Variants in KANSL1 observed in about 807,000 individuals in gnomAD.
KANSL1 encodes MLL1/MLL complex subunit KANSL1.
A neutral mutation model predicts 103.6 loss-of-function variants in KANSL1; 22 were observed. The observed-to-expected ratio is 0.21, with a 90% CI of 0.15 to 0.30. The LOEUF is 0.30. KANSL1 is among the 10% of genes least tolerant of loss of function. The probability of loss-of-function intolerance (pLI) is 1.00; values close to 1 mark genes in which losing one functional copy is unlikely to be tolerated. For synonymous variants in KANSL1, 600 were observed against 527.6 expected, an observed-to-expected ratio of 1.14 and a Z score of -1.88; for missense variants, 1,337 against 1,399.8, an observed-to-expected ratio of 0.96 and a Z score of 0.72.
rs749329088 is a variant in KANSL1 at position 46,082,546 on chromosome 17, C to T, written c.1432-4G>A. The T allele has an allele frequency of 2.6e-6, 4 of 1,562,114 alleles. No individual in the cohort carries two copies. In the South Asian group the frequency reaches 3.4e-5, roughly 13 times the overall value. On this transcript the variant is annotated splice_region_variant and splice_polypyrimidine_tract_variant and intron_variant, in intron 3 of 14. Transcript: ENST00000432791. The stretch of plus-strand genomic sequence containing the variant: ...CCTCCCCAAGAACTATCAACCCCTG[C>T]AGGATAGAGAGGAGAAAAATAGCAT...
chr17:46,056,156 C>T (rs1373670847), intron 6 of KANSL1, among the ~76,000 whole-genome samples: 1 of 152,180 alleles, frequency 6.6e-6, no homozygotes, highest in Non-Finnish European at 1.5e-5. Context: ...CACCACCAAG[C>T]CTGGCTAATT....
chr17:46,107,465 C>A (rs1257488014), intron 2 of KANSL1, among the ~76,000 whole-genome samples: 3 of 152,080 alleles, frequency 2.0e-5, no homozygotes, highest in African/African-American at 7.2e-5. Context: ...AAGGTGAGTA[C>A]TCCCTCCTTC....
intron 2 of KANSL1, among the ~76,000 whole-genome samples, chr17:46,114,060 A>C (rs769430004): frequency 6.6e-6 from 1 of 152,164 alleles, no homozygotes; most frequent in African/African-American, 2.4e-5. Context: ...AAGCAAACTG[A>C]TAAGAAAAAG....
At chr17:46,148,630 AGGCTGAAGTATAGT>A (rs2044874045) in intron 2 of KANSL1, among the ~76,000 whole-genome samples, 1 of 149,898 alleles carries the variant, frequency 6.7e-6, no homozygotes, top group East Asian at 1.9e-4. Flanking sequence ...TCTGTCGCCC[AGGCTGAAGTATAGT>A]GGCACAATCT....
intron 6 of KANSL1, among the ~76,000 whole-genome samples, chr17:46,064,984 T>A (rs1209838828): frequency 6.6e-6 from 1 of 152,124 alleles, no homozygotes; most frequent in Non-Finnish European, 1.5e-5. Flanking sequence ...TTTTTTGTTT[T>A]TTTAAAAGAC....
intron 6 of KANSL1, among the ~76,000 whole-genome samples, chr17:46,054,855 C>CTT (rs34563738): frequency 0.14 from 20,294 of 142,810 alleles, 1,976 homozygotes; most frequent in Non-Finnish European, 0.22. Flanking sequence ...TTCAAAGTAA[C>CTT]TTTTTTTTTT....
intron 2 of KANSL1, among the ~76,000 whole-genome samples, chr17:46,101,802 AACC>A (rs66500335): frequency 0.14 from 21,321 of 150,826 alleles, 2,084 homozygotes; most frequent in Non-Finnish European, 0.22. Context: ...TAGTCATTAT[AACC>A]ATGGATTTAA....
At chr17:46,188,940 G>A (rs888998431) in intron 1 of KANSL1, among the ~76,000 whole-genome samples, 8 of 147,114 alleles carry the variant, frequency 5.4e-5, no homozygotes, top group Non-Finnish European at 8.9e-5. Flanking sequence ...GGCTGAGGTA[G>A]GAGAATCGCT....
chr17:46,045,097 A>G (rs1439350339), intron 7 of KANSL1: 1 of 152,074 alleles, frequency 6.6e-6, no homozygotes, highest in Non-Finnish European at 1.5e-5. Context: ...AGTAAAATCT[A>G]CCACACAAAT....
chr17:46,136,352 G>A (rs2044142769), intron 2 of KANSL1, among the ~76,000 whole-genome samples: 1 of 152,130 alleles, frequency 6.6e-6, no homozygotes, highest in South Asian at 2.1e-4. Context: ...GCTTGGATTA[G>A]GTTTCATTTT....
chr17:46,088,311 C>T (rs1443400806), intron 3 of KANSL1: 1 of 152,372 alleles, frequency 6.6e-6, no homozygotes, highest in Non-Finnish European at 1.5e-5. Flanking sequence ...CCCTATGCAT[C>T]TCAAGACAAA....
chr17:46,092,638 T>C (rs1295529773), intron 3 of KANSL1, among the ~76,000 whole-genome samples: 4 of 145,450 alleles, frequency 2.8e-5, no homozygotes, highest in African/African-American at 7.6e-5. Context: ...TTTGAACAAA[T>C]TACTTATGTG....
intron 4 of KANSL1, among the ~76,000 whole-genome samples, chr17:46,081,846 A>T (rs921074670): frequency 6.6e-6 from 1 of 152,212 alleles, no homozygotes; most frequent in African/African-American, 2.4e-5. Flanking sequence ...AATATTCATA[A>T]AACCCAGTAA....
chr17:46,214,479 C>T (rs1373167096), intron 1 of KANSL1, among the ~76,000 whole-genome samples: 1 of 152,208 alleles, frequency 6.6e-6, no homozygotes, highest in Non-Finnish European at 1.5e-5. Context: ...CATGGTGACA[C>T]CCTGTCTCTA....
intron 2 of KANSL1, among the ~76,000 whole-genome samples, chr17:46,168,321 T>C (rs1442845909): frequency 6.6e-6 from 1 of 152,212 alleles, no homozygotes; most frequent in Non-Finnish European, 1.5e-5. Flanking sequence ...AAAGTATTTA[T>C]GCTTTACTGG....
At chr17:46,108,467 C>T (rs2042663482) in intron 2 of KANSL1, among the ~76,000 whole-genome samples, 1 of 152,204 alleles carries the variant, frequency 6.6e-6, no homozygotes. Flanking sequence ...CCTTTCTTTC[C>T]CGCTTCCTGG....
intron 2 of KANSL1, among the ~76,000 whole-genome samples, chr17:46,099,579 T>C (rs2042226207): frequency 6.6e-6 from 1 of 152,228 alleles, no homozygotes; most frequent in Non-Finnish European, 1.5e-5. Flanking sequence ...GTTTCTAATA[T>C]AGTCATTATC....
chr17:46,090,167 T>C (rs2079327105), intron 3 of KANSL1, among the ~76,000 whole-genome samples: 1 of 152,198 alleles, frequency 6.6e-6, no homozygotes, highest in Admixed American at 6.5e-5. Flanking sequence ...ACTGCAGTGA[T>C]GTAGCTACAG....
intron 1 of KANSL1, among the ~76,000 whole-genome samples, chr17:46,176,730 T>C (rs1389730428): frequency 6.6e-6 from 1 of 152,080 alleles, no homozygotes; most frequent in Non-Finnish European, 1.5e-5. Flanking sequence ...CCAAGACTTC[T>C]CTGAAATGAT....
Sources: allele counts gnomAD v4.1 joint callset (sites outside exome capture counted in the v4.1 genomes callset), GRCh38; gene constraint gnomAD v4.1.1; transcripts MANE v1.5; gene names NCBI Gene and HGNC (gene_info 2026-07-23, HGNC 2026-07-21).